ZWILCH: variants seen among roughly 807,000 people sequenced by gnomAD.
ZWILCH encodes the protein protein zwilch homolog.
Under a neutral mutation model 79.9 loss-of-function variants are expected in ZWILCH, and 74 were observed. The ratio of observed to expected loss-of-function variants is 0.93; its 90% CI spans 0.77 to 1.12. The LOEUF (loss-of-function observed/expected upper bound fraction) is 1.12. Among genes scored for constraint, ZWILCH ranks in the 50% most tolerant of loss-of-function variants. The pLI, the probability that ZWILCH is intolerant of heterozygous loss-of-function variation, is 0.00. For missense variants in ZWILCH, 694 were observed against 687.5 expected, an observed-to-expected ratio of 1.01 and a Z score of -0.11; for synonymous variants, 241 against 228.2, an observed-to-expected ratio of 1.06 and a Z score of -0.51.
At position 66,544,724 on chromosome 15, in the gene ZWILCH, T is replaced by TTTGTGTGTGTG. The variant is rs145952622; in HGVS notation, c.1688-1866_1688-1865insTGTGTGTGTGT. On this transcript the variant is annotated intron_variant, in intron 17 of 18. Coordinates refer to ENST00000307897, the MANE Select transcript of ZWILCH (RefSeq NM_017975.5). ...TGTTTTTTTGTTGTTTTTTTGGTTT[T>TTTGTGTGTGTG]TGTGTGTGTGTGTGTGTGTGTGTGT... Among the ~76,000 whole-genome samples, 221 of 128,520 alleles carry TTTGTGTGTGTG rather than the reference T, an allele frequency of 1.7e-3. 4 individuals are homozygous for TTTGTGTGTGTG. The highest frequency in any genetic ancestry group is 6.2e-3 in the African/African-American group (201 of 32,530). The allele number at this position is 128,520 out of a possible 152,430, so 84.3% of individuals were successfully genotyped here.
chr15:66,545,390 A>G (rs1029498485), intron 17 of ZWILCH, among the ~76,000 whole-genome samples: 11 of 152,208 alleles, frequency 7.2e-5, no homozygotes, highest in Non-Finnish European at 1.6e-4. Flanking sequence ...TGTAGAGATT[A>G]GAGTTCTGTT....
intron 5 of ZWILCH, among the ~76,000 whole-genome samples, chr15:66,519,815 A>G (rs906443843): frequency 6.6e-6 from 1 of 151,856 alleles, no homozygotes; most frequent in East Asian, 1.9e-4. Flanking sequence ...TTATTTTTTT[A>G]GAGACAGAGC....
chr15:66,508,725 T>C, intron 1 of ZWILCH, 116 bp from the exon 2 acceptor site: 1 of 1,493,314 alleles, frequency 6.7e-7, no homozygotes. Context: ...TGTAAGTACT[T>C]GCTTTTTGCC....
intron 4 of ZWILCH, among the ~76,000 whole-genome samples, chr15:66,518,116 C>T (rs1894355474): frequency 1.3e-5 from 2 of 152,038 alleles, no homozygotes; most frequent in South Asian, 4.1e-4. Flanking sequence ...ACCCCCAATC[C>T]TTGCCATATT....
chr15:66,536,076 A>G lies in ZWILCH; in HGVS notation c.1478+7A>G. On this transcript the variant is annotated splice_region_variant and intron_variant, in intron 15 of 18. Coordinates refer to ENST00000307897, the MANE Select transcript of ZWILCH (RefSeq NM_017975.5). ...TCCTCTTTTCTTTAACACAGTAAGT[A>G]CATCTGTATTCTTCACTTATATAGA... The G allele has an allele frequency of 6.3e-7, 1 of 1,592,744 alleles. No individual in the cohort carries two copies. The highest frequency in any genetic ancestry group is 8.5e-7 in the Non-Finnish European group (1 of 1,171,512).
chr15:66,531,005 G>A (rs77174517), intron 12 of ZWILCH, among the ~76,000 whole-genome samples: 1,974 of 152,330 alleles, frequency 0.013, 35 homozygotes, highest in African/African-American at 0.045. Context: ...GAAACTATGT[G>A]TATATTGTAA....
chr15:66,539,123 A>G (rs1895112896), intron 16 of ZWILCH, among the ~76,000 whole-genome samples: 1 of 152,072 alleles, frequency 6.6e-6, no homozygotes, highest in Non-Finnish European at 1.5e-5. Context: ...TCAAATCACC[A>G]TCATTAATCT....
At position 66,537,640 on chromosome 15, in the gene ZWILCH, G is replaced by A. The variant is rs148488721; in HGVS notation, c.1574+377G>A. Among the ~76,000 whole-genome samples, 343 of 152,000 alleles carry A rather than the reference G, an allele frequency of 2.3e-3. 3 individuals carry two copies. Among genetic ancestry groups the A allele is most frequent in the African/African-American group, 7.7e-3 (318 of 41,462 alleles). ...TGGGAGGCAGAGGTTGCAGTGAGCC[G>A]AGATCATGCCATTGCACTCCAGCCT... is the stretch of plus-strand genomic sequence containing the variant. On this transcript the variant is annotated intron_variant, in intron 16 of 18. Transcript: ENST00000307897.
chr15:66,507,742 G>A (rs2140730195), intron 1 of ZWILCH, among the ~76,000 whole-genome samples: 1 of 151,972 alleles, frequency 6.6e-6, no homozygotes, highest in South Asian at 2.1e-4. Flanking sequence ...CTGATTAAGT[G>A]CATGGTGAAA....
At chr15:66,533,040 T>C (rs1894902779) in intron 14 of ZWILCH, 27 bp downstream of exon 14, 1 of 1,541,846 alleles carries the variant, frequency 6.5e-7, no homozygotes, top group East Asian at 2.3e-5. Context: ...ATTCTAAAAT[T>C]GGTTTTTCTT....
chr15:66,545,603 A>G (rs915661301), intron 17 of ZWILCH, among the ~76,000 whole-genome samples: 3 of 152,200 alleles, frequency 2.0e-5, no homozygotes, highest in Non-Finnish European at 4.4e-5. Context: ...TTATAAAATC[A>G]TATATTTATG....
chr15:66,525,666 T>TACACACAC lies in ZWILCH; in HGVS notation c.820-1624_820-1623insACACACAC, dbSNP rs1894643864. Among the ~76,000 whole-genome samples the TACACACAC allele has an allele frequency of 2.6e-5, 4 of 152,224 alleles. No individual in the cohort carries two copies. The South Asian group carries it at 8.3e-4, about 32-fold the overall frequency. ...GACCATGGTACACACACCAAGATGT[T>TACACACAC]TAACATCCCTGGCCCCCACCAAACT... On this transcript the variant is annotated intron_variant, in intron 8 of 18. Coordinates refer to ENST00000307897, the MANE Select transcript of ZWILCH (RefSeq NM_017975.5).
In ZWILCH at chr15:66,530,360, G is replaced by A. The variant is rs113809483; in HGVS notation, c.1155+787G>A. 2.0e-4 allele frequency among the ~76,000 whole-genome samples: 31 copies of A among 152,278 alleles called. No individual in the cohort carries two copies. In the East Asian group the frequency reaches 2.7e-3, roughly 13 times the overall value. On this transcript the variant is annotated intron_variant, in intron 12 of 18. Coordinates refer to ENST00000307897, the MANE Select transcript of ZWILCH (RefSeq NM_017975.5). The stretch of plus-strand genomic sequence containing the variant: ...GTTACAAATGACTTTTTCCAGTCAG[G>A]CGTGGTGACTCAGGCCTGTAATTCC...
chr15:66,545,611 A>G (rs1233363325), intron 17 of ZWILCH, among the ~76,000 whole-genome samples: 1 of 152,228 alleles, frequency 6.6e-6, no homozygotes, highest in Non-Finnish European at 1.5e-5. Context: ...TCATATATTT[A>G]TGTGCTTAGG....
chr15:66,523,974 T>G (rs979892647), intron 8 of ZWILCH, among the ~76,000 whole-genome samples: 8 of 152,146 alleles, frequency 5.3e-5, no homozygotes, highest in South Asian at 2.1e-4. Context: ...ACCCTTTGTG[T>G]TGTTTTATTT....
In ZWILCH at chr15:66,532,877, T is replaced by C. The variant is rs923508527; in HGVS notation, c.1313-108T>C. 5 of 765,028 alleles carry C rather than the reference T, an allele frequency of 6.5e-6. No homozygotes were observed. The African/African-American group carries it at 7.3e-5, about 11-fold the overall frequency. The allele number at this position is 765,028 out of a possible 1,614,324, so 47.4% of individuals were successfully genotyped here. A position where few individuals can be genotyped will look rare whatever the true frequency, so the allele number is the denominator to read the frequency against. On this transcript the variant is annotated intron_variant, in intron 13 of 18. Transcript: ENST00000307897. ...AAAAATTTATATAGATTCCTTAATA[T>C]GTAATTTAAGAATTTAAGAATTTAA...
In ZWILCH at chr15:66,548,811, A is replaced by C; in HGVS notation, c.*487A>C. The C allele has an allele frequency of 2.8e-6, 1 of 353,514 alleles. No homozygotes were observed. Among genetic ancestry groups the C allele is most frequent in the Non-Finnish European group, 5.2e-6 (1 of 193,044 alleles). The allele number at this position is 353,514 out of a possible 1,614,324, so 21.9% of individuals were successfully genotyped here. On this transcript the variant is annotated 3_prime_UTR_variant, in exon 19 of 19. Coordinates refer to ENST00000307897, the MANE Select transcript of ZWILCH (RefSeq NM_017975.5). ...AAGAGCTTTGTAAATATTTCAGAAAATATGGGATAAATGCCTGAATTTGGT... is the reference window on the plus strand; with the variant it reads ...AAGAGCTTTGTAAATATTTCAGAAACTATGGGATAAATGCCTGAATTTGGT...
Position 66,508,893 on chromosome 15 carries a change from G to C in ZWILCH, c.105+1G>C. 6.2e-7 allele frequency: 1 copy of C among 1,613,432 alleles called. No individual in the cohort carries two copies. The highest frequency in any genetic ancestry group is 8.5e-7 in the Non-Finnish European group (1 of 1,179,740). ...CCGTAAAGACCCATTTCTCTATGAG[G>C]TATGAACAATTTGGTTTTTAAACAC... On this transcript the variant is annotated splice_donor_variant, in intron 2 of 18. Transcript: ENST00000307897. LOFTEE classifies it high-confidence loss of function.
chr15:66,538,944 G>A (rs189290670), intron 16 of ZWILCH, among the ~76,000 whole-genome samples: 23 of 152,078 alleles, frequency 1.5e-4, no homozygotes, highest in Admixed American at 1.5e-3. Flanking sequence ...ACTTGTCTAG[G>A]CTAACGATAA....
Sources: allele counts gnomAD v4.1 joint callset (sites outside exome capture counted in the v4.1 genomes callset), GRCh38; gene constraint gnomAD v4.1.1; transcripts MANE v1.5; gene names NCBI Gene and HGNC (gene_info 2026-07-23, HGNC 2026-07-21).